ATG7: variants seen among roughly 807,000 people sequenced by gnomAD.
ATG7 encodes the protein ubiquitin-like modifier-activating enzyme ATG7.
ATG7 carries 70 observed loss-of-function variants against 82.4 expected under a neutral mutation model. That is an observed-to-expected ratio of 0.85 (90% CI 0.70 to 1.04). ATG7 has a LOEUF of 1.04. ATG7 is among the 50% of genes least tolerant of loss of function. ATG7 has a pLI of 0.00. For synonymous variants in ATG7, 287 were observed against 313.0 expected (o/e 0.92, Z 0.88); for missense variants, 792 against 864.3 (o/e 0.92, Z 1.05).
intron 20 of ATG7, among the ~76,000 whole-genome samples, chr3:11,482,335 C>T (rs2089097762): frequency 6.6e-6 from 1 of 152,222 alleles, no homozygotes; most frequent in Admixed American, 6.5e-5. Context: ...TCTTACTCTT[C>T]AGACCCACCA....
At chr3:11,554,245 CT>C (rs112156571) in intron 20 of ATG7, among the ~76,000 whole-genome samples, 34,636 of 152,192 alleles carry the variant, frequency 0.23, 4,411 homozygotes, top group African/African-American at 0.31. Flanking sequence ...TCTCCACTGT[CT>C]TTGCTCCAGG....
the ATG7 span, among the ~76,000 whole-genome samples, chr3:11,568,272 C>T: frequency 3.3e-5 from 5 of 152,202 alleles, no homozygotes; most frequent in African/African-American, 4.8e-5. The surrounding 1 kb of genome is among the most constrained non-coding windows in gnomAD (Gnocchi z 5.9). Flanking sequence ...GGCACAGTCA[C>T]GCAGATGACT....
chr3:11,557,543 G>A lies in ATG7; in HGVS notation c.*2700G>A, dbSNP rs1292672990. ...TGCTCATCGCGAGGGCCTGCCAGGAGCTGGCCTCCCGCACTACTTGTGAGT... is the reference window on the plus strand; with the variant it reads ...TGCTCATCGCGAGGGCCTGCCAGGAACTGGCCTCCCGCACTACTTGTGAGT... On this transcript the variant is annotated 3_prime_UTR_variant, in exon 21 of 21. Coordinates refer to ENST00000693202, the MANE Select transcript of ATG7 (RefSeq NM_001349232.2). 6.6e-6 allele frequency: 1 copy of A among 152,560 alleles called. No individual in the cohort carries two copies. Among genetic ancestry groups the A allele is most frequent in the Non-Finnish European group, 1.5e-5 (1 of 68,056 alleles). The allele number at this position is 152,560 out of a possible 1,614,324, so 9.5% of individuals were successfully genotyped here.
rs982959321 is a variant in ATG7, at chr3:11,372,198, G to A, written c.1875+7464G>A. 7.9e-5 allele frequency among the ~76,000 whole-genome samples: 12 copies of A among 151,300 alleles called. 1 individual carries two copies. Among genetic ancestry groups the A allele is most frequent in the African/African-American group, 2.9e-4 (12 of 41,006 alleles). On this transcript the variant is annotated intron_variant, in intron 18 of 20. Transcript: ENST00000693202. ...GGGTGATGAGTGGGACTGGAGCCAA[G>A]AAACCACAGGTAATTGGGATTCTTC...
chr3:11,372,891 GGA>G (rs768515059), intron 18 of ATG7, among the ~76,000 whole-genome samples: 1 of 150,950 alleles, frequency 6.6e-6, no homozygotes, highest in Non-Finnish European at 1.5e-5. Flanking sequence ...CCCCTTGTGG[GGA>G]GAGGGGAGAA....
chr3:11,403,052 G>GT lies in ATG7; in HGVS notation c.1956+23002dup, dbSNP rs2079988325. Among the ~76,000 whole-genome samples, 3 of 152,242 alleles carry GT rather than the reference G, an allele frequency of 2.0e-5. No individual in the cohort carries two copies. The South Asian group carries it at 6.2e-4, about 32-fold the overall frequency. ...AACACTTTGCTGTAGTGATTACAAC[G>GT]TTGAATAGTACACTAACATACCATT... is the stretch of plus-strand genomic sequence containing the variant. On this transcript the variant is annotated intron_variant, in intron 19 of 20. Coordinates refer to ENST00000693202, the MANE Select transcript of ATG7 (RefSeq NM_001349232.2).
At chr3:11,466,657 C>G (rs2086855296) in intron 20 of ATG7, among the ~76,000 whole-genome samples, 1 of 152,212 alleles carries the variant, frequency 6.6e-6, no homozygotes, top group Non-Finnish European at 1.5e-5. Context: ...TCTTACTGCT[C>G]TTTTCGGAAA....
chr3:11,455,262 CAGT>C (rs2085592141), intron 20 of ATG7, among the ~76,000 whole-genome samples: 1 of 152,216 alleles, frequency 6.6e-6, no homozygotes, highest in Non-Finnish European at 1.5e-5. Context: ...AACTTAACTA[CAGT>C]AGTAAAGTCC....
chr3:11,424,490 A>G (rs1432129348), intron 19 of ATG7, among the ~76,000 whole-genome samples: 1 of 151,902 alleles, frequency 6.6e-6, no homozygotes. Flanking sequence ...CAACAACAAA[A>G]AAAACACTGA....
At chr3:11,285,873 A>G (rs893003598) in intron 3 of ATG7, among the ~76,000 whole-genome samples, 1 of 152,222 alleles carries the variant, frequency 6.6e-6, no homozygotes, top group South Asian at 2.1e-4. Flanking sequence ...TTTTGTCCCA[A>G]TAATGTCCTT....
rs57073881 is a variant in ATG7 at position 11,442,739 on chromosome 3, C to CAAAAAAA, written c.2079+15839_2079+15845dup. On this transcript the variant is annotated intron_variant, in intron 20 of 20. Coordinates refer to ENST00000693202, the MANE Select transcript of ATG7 (RefSeq NM_001349232.2). ...GCAGCATAGTGAGACTCCATCTCTA[C>CAAAAAAA]AAAAAAAAAAAAAAAAAAAAAAAAA... Among the ~76,000 whole-genome samples, 23 of 69,240 alleles carry CAAAAAAA rather than the reference C, an allele frequency of 3.3e-4. 1 individual carries two copies. Among genetic ancestry groups the CAAAAAAA allele is most frequent in the African/African-American group, 5.7e-4 (10 of 17,588 alleles). 45.4% of individuals were successfully genotyped at this position (69,240 alleles called of 152,430 possible). A position where few individuals can be genotyped will look rare whatever the true frequency, so the allele number is the denominator to read the frequency against.
At chr3:11,391,641 C>T (rs1477027523) in intron 19 of ATG7, among the ~76,000 whole-genome samples, 1 of 152,198 alleles carries the variant, frequency 6.6e-6, no homozygotes, top group East Asian at 1.9e-4. Context: ...CTTGCTTTTT[C>T]TACCGCAGCT....
chr3:11,412,095 G>C (rs2080960858), intron 19 of ATG7, among the ~76,000 whole-genome samples: 1 of 151,930 alleles, frequency 6.6e-6, no homozygotes, highest in Non-Finnish European at 1.5e-5. Flanking sequence ...ATCTGGTGCT[G>C]CAGCCAAGGA....
At chr3:11,308,759 G>A (rs562944924) in intron 6 of ATG7, 19 of 576,306 alleles carry the variant, frequency 3.3e-5, no homozygotes, top group Non-Finnish European at 4.6e-5. Context: ...GAGAGGAGGC[G>A]CCTGGGTTCC....
chr3:11,357,807 C>T (rs527594334), intron 14 of ATG7, among the ~76,000 whole-genome samples: 7 of 151,770 alleles, frequency 4.6e-5, no homozygotes, highest in South Asian at 4.2e-4. Flanking sequence ...CCAAGGAGTT[C>T]GAGAGCAGCC....
intron 7 of ATG7, 47 bp from the exon 8 acceptor site, chr3:11,313,257 A>G: frequency 7.9e-7 from 1 of 1,270,976 alleles, no homozygotes. Context: ...ATTTCACCTT[A>G]AGTTAATGGT....
chr3:11,368,251 A>T (rs1025155914), intron 18 of ATG7, among the ~76,000 whole-genome samples: 3 of 146,986 alleles, frequency 2.0e-5, no homozygotes, highest in African/African-American at 7.7e-5. Flanking sequence ...AAAAAAAAAA[A>T]AGAAGAAGAA....
intron 5 of ATG7, 68 bp from the exon 6 acceptor site, chr3:11,306,875 T>G: frequency 8.4e-7 from 1 of 1,194,296 alleles, no homozygotes; most frequent in South Asian, 1.2e-5. Flanking sequence ...ACTACAGTGG[T>G]GGTTGACTTG....
At chr3:11,488,466 C>T (rs552236311) in intron 20 of ATG7, 53,825 of 1,281,412 alleles carry the variant, frequency 0.042, 1,121 homozygotes, top group Non-Finnish European at 0.047. Context: ...GCAGCGGCTC[C>T]GCTTCATATC....
Sources: allele counts gnomAD v4.1 joint callset (sites outside exome capture counted in the v4.1 genomes callset), GRCh38; gene constraint gnomAD v4.1.1; non-coding constraint Gnocchi (gnomAD v3.1); transcripts MANE v1.5; gene names NCBI Gene and HGNC (gene_info 2026-07-23, HGNC 2026-07-21).